NUMA1: variants seen among roughly 807,000 people sequenced by gnomAD.
NUMA1 encodes the protein nuclear mitotic apparatus protein 1.
In NUMA1, 62 loss-of-function variants were observed where a neutral mutation model predicts 237.1. That is an observed-to-expected ratio of 0.26 (90% CI 0.21 to 0.32). The LOEUF (loss-of-function observed/expected upper bound fraction) is 0.32, where lower values mean the gene tolerates loss of function less well. Ranked by LOEUF, NUMA1 falls within the 10% of genes least tolerant of loss-of-function variation. The pLI, the probability that NUMA1 is intolerant of heterozygous loss-of-function variation, is 1.00. For synonymous variants in NUMA1, 1,028 were observed against 1,066.1 expected (o/e 0.96, Z 0.70); for missense variants, 2,533 against 2,666.5 (o/e 0.95, Z 1.10).
intron 2 of NUMA1, among the ~76,000 whole-genome samples, chr11:72,059,205 T>C (rs1169609157): frequency 6.6e-6 from 1 of 152,222 alleles, no homozygotes; most frequent in African/African-American, 2.4e-5. Context: ...TAATATGTTC[T>C]GCAACTTGCC....
intron 4 of NUMA1, among the ~76,000 whole-genome samples, chr11:72,025,571 A>C (rs756619078): frequency 1.3e-5 from 2 of 152,168 alleles, no homozygotes; most frequent in Non-Finnish European, 2.9e-5. Flanking sequence ...TAGAAAGCTG[A>C]ATTCTCTAGG....
Position 72,013,882 on chromosome 11 carries a change from A to G in NUMA1, c.3621T>C (p.Asp1207=), listed in dbSNP as rs200440885. Reference sequence around the variant, plus strand: ...CCCGGGCCACCTGGGCCTTCCACTCATCTTCAGCCTTGCTGTGGTCTTGTA... The same window carrying G: ...CCCGGGCCACCTGGGCCTTCCACTCGTCTTCAGCCTTGCTGTGGTCTTGTA... ...TKVQDHSKAE[D]EWKAQVARGR... is the part of the protein sequence containing the mutation. The change falls in exon 15 of 27, where the codon GAT becomes GAC. Residue 1207 remains aspartate, a synonymous_variant. Transcript: ENST00000393695. The surrounding 1 kb of genome is among the most constrained non-coding windows in gnomAD (Gnocchi z 6.8). 2.5e-3 allele frequency: 4,032 copies of G among 1,613,704 alleles called. 129 individuals carry two copies. The South Asian group carries it at 0.042, about 17-fold the overall frequency.
chr11:72,024,136 G>C, intron 5 of NUMA1, 138 bp downstream of exon 5: 1 of 678,240 alleles, frequency 1.5e-6, no homozygotes, highest in Admixed American at 2.5e-5. Context: ...TGAACCAGCT[G>C]TTTTCATCTT....
Position 72,015,534 on chromosome 11 carries a change from C to A in NUMA1, c.1969G>T (p.Ala657Ser), listed in dbSNP as rs1273585803. The A allele has an allele frequency of 6.2e-7, 1 of 1,613,554 alleles. No homozygotes were observed. Among genetic ancestry groups the A allele is most frequent in the Non-Finnish European group, 8.5e-7 (1 of 1,180,038 alleles). Residue 657 changes from alanine to serine, a missense_variant, in exon 15 of 27, where the codon GCC becomes TCC. Ala to Ser is a moderately conservative substitution (Grantham distance 99). Around this residue, in one of 3 missense-constraint regions of NUMA1, gnomAD observed 1,414 missense variants for 1,508.1 expected, o/e 0.94. Coordinates refer to ENST00000393695, the MANE Select transcript of NUMA1 (RefSeq NM_006185.4). This position sits in a 1 kb window ranked among gnomAD's most constrained non-coding sequence, Gnocchi z 4.0. ...ELSRKVEELQ[A>S]CVETARQEQH... ...TCCTGGCGGGCTGTCTCAACACAGG[C>A]CTGGAGTTCCTCCACCTTCCGGCTC...
intron 21 of NUMA1, 98 bp downstream of exon 21, chr11:72,007,091 C>G (rs1346561443): frequency 7.0e-7 from 1 of 1,434,664 alleles, no homozygotes. Flanking sequence ...GGACTGGCTG[C>G]TCATCCCTCC....
chr11:72,008,666 G>C (rs768862524), intron 20 of NUMA1, 22 bp downstream of exon 20: 2 of 1,613,070 alleles, frequency 1.2e-6, no homozygotes, highest in African/African-American at 1.3e-5. Context: ...AACAGACATA[G>C]GGAGGAAGGC....
intron 2 of NUMA1, among the ~76,000 whole-genome samples, chr11:72,046,158 T>C (rs1941983306): frequency 6.6e-6 from 1 of 152,214 alleles, no homozygotes; most frequent in Non-Finnish European, 1.5e-5. Context: ...ACAGCCCCTC[T>C]CACAGCCTAG....
chr11:72,009,114 G>C lies in NUMA1; in HGVS notation c.4911C>G (p.Ser1637Arg), dbSNP rs760483017. The change falls in exon 19 of 27, where the codon AGC (serine) becomes AGG (arginine). Residue 1637 changes from serine (S) to arginine (R), a missense_variant. Physicochemically the swap from Ser to Arg is moderately radical, Grantham distance 110. Transcript: ENST00000393695. ...QNQELQEQLR[S>R]LEQLQKENKE... ...TGTTTTCCTTCTGCAGCTGCTCCAG[G>C]CTCCGCAGCTGCTCCTGCAGCTCTT... 1 of 1,611,444 alleles carries C rather than the reference G, an allele frequency of 6.2e-7. No individual in the cohort carries two copies. The highest frequency in any genetic ancestry group is 8.5e-7 in the Non-Finnish European group (1 of 1,179,796).
intron 3 of NUMA1, among the ~76,000 whole-genome samples, chr11:72,032,902 CAAAA>C (rs1330551162): frequency 6.6e-6 from 1 of 152,038 alleles, no homozygotes; most frequent in Non-Finnish European, 1.5e-5. Context: ...ATTCAGAAGA[CAAAA>C]AACAGAGCTC....
intron 3 of NUMA1, among the ~76,000 whole-genome samples, chr11:72,034,353 C>A (rs1940734612): frequency 6.6e-6 from 1 of 152,002 alleles, no homozygotes; most frequent in African/African-American, 2.4e-5. Flanking sequence ...TTTATTTTTT[C>A]ATGGTGCCAA....
chr11:72,014,877 C>T lies in NUMA1; in HGVS notation c.2626G>A (p.Glu876Lys). 1 of 1,614,240 alleles carries T rather than the reference C, an allele frequency of 6.2e-7. No homozygotes were observed. ...GCTCTGGCCAGGTTGGCATGGAGCT[C>T]AGCTAGTTCGTTCTGCTGCCGGCTT... ...QISRQQNELA[E>K]LHANLARALQ... Residue 876 changes from glutamate to lysine, a missense_variant, in exon 15 of 27, where the codon GAG (glutamate) becomes AAG (lysine). Around this residue, in one of 3 missense-constraint regions of NUMA1, gnomAD observed 1,414 missense variants for 1,508.1 expected, o/e 0.94. Coordinates refer to ENST00000393695, the MANE Select transcript of NUMA1 (RefSeq NM_006185.4). This position sits in a 1 kb window ranked among gnomAD's most constrained non-coding sequence, Gnocchi z 4.6.
Position 72,016,278 on chromosome 11 carries a change from C to T in NUMA1, c.1243-18G>A. 6.3e-7 allele frequency: 1 copy of T among 1,586,854 alleles called. No homozygotes were observed. The highest frequency in any genetic ancestry group is 8.6e-7 in the Non-Finnish European group (1 of 1,163,246). On this transcript the variant is annotated intron_variant, in intron 14 of 26. Coordinates refer to ENST00000393695, the MANE Select transcript of NUMA1 (RefSeq NM_006185.4). ...GTTTCCAGCTGGTGGTATAAAGAGA[C>T]AAACTGGGATCAGCATGACTCCTCA...
intron 2 of NUMA1, among the ~76,000 whole-genome samples, chr11:72,037,872 AC>A (rs1364906750): frequency 6.6e-6 from 1 of 152,122 alleles, no homozygotes; most frequent in Non-Finnish European, 1.5e-5. Context: ...CATCAAGTAT[AC>A]CCTATCCATG....
intron 20 of NUMA1, chr11:72,007,775 GC>G (rs553730436): frequency 5.2e-6 from 2 of 381,302 alleles, no homozygotes; most frequent in East Asian, 6.1e-5. Context: ...GAATAGGAAC[GC>G]CCCCCACTCA....
At chr11:72,063,636 G>C (rs1186317464) in intron 2 of NUMA1, among the ~76,000 whole-genome samples, 4 of 144,902 alleles carry the variant, frequency 2.8e-5, no homozygotes, top group Non-Finnish European at 3.0e-5. Context: ...AAAAAAGCTG[G>C]CTGGGTACAA....
chr11:72,016,668 G>T, intron 13 of NUMA1, 138 bp from the exon 14 acceptor site: 1 of 1,116,758 alleles, frequency 9.0e-7, no homozygotes, highest in Non-Finnish European at 1.3e-6. Flanking sequence ...CTAGAAAAAA[G>T]CAGAAACCAT....
chr11:72,063,970 C>T (rs1328256410), intron 2 of NUMA1, among the ~76,000 whole-genome samples: 1 of 148,106 alleles, frequency 6.8e-6, no homozygotes, highest in Non-Finnish European at 1.5e-5. Flanking sequence ...AAAAAAATCT[C>T]ATGTTCTTTC....
intron 12 of NUMA1, 109 bp downstream of exon 12, chr11:72,018,074 T>A (rs1481781371): frequency 1.0e-6 from 1 of 994,428 alleles, no homozygotes; most frequent in African/African-American, 1.6e-5. Context: ...CTGGAGAGAC[T>A]GAAGCATAAG....
chr11:72,054,203 C>T (rs1023679074), intron 2 of NUMA1, among the ~76,000 whole-genome samples: 2 of 152,160 alleles, frequency 1.3e-5, no homozygotes, highest in African/African-American at 2.4e-5. Context: ...CGGTGGCTCA[C>T]GTTTGTAATC....
Sources: gnomAD v4.1 joint callset for allele counts (sites outside exome capture counted in the v4.1 genomes callset) on GRCh38, gnomAD v4.1.1 for gene constraint, gnomAD v4.1.1 regional missense constraint, Gnocchi (gnomAD v3.1) non-coding constraint, MANE v1.5 for transcripts, NCBI Gene and HGNC (gene_info 2026-07-23, HGNC 2026-07-21) for gene names.